Variants in XKR6 observed in about 807,000 individuals in gnomAD.
The protein encoded by XKR6 is XK related 6, also known as XK-related protein 6.
A neutral mutation model predicts 56.7 loss-of-function variants in XKR6; 22 were observed. The ratio of observed to expected loss-of-function variants is 0.39; its 90% CI spans 0.28 to 0.55. The LOEUF is 0.55. XKR6 is among the 20% of genes least tolerant of loss of function. The pLI is 0.66. For missense variants in XKR6, 852 were observed against 889.0 expected (o/e 0.96, Z 0.53); for synonymous variants, 524 against 387.8 (o/e 1.35, Z -4.13).
chr8:11,005,842 C>CTTTTT (rs56880407), intron 1 of XKR6, among the ~76,000 whole-genome samples: 233 of 121,264 alleles, frequency 1.9e-3, no homozygotes, highest in Middle Eastern at 5.2e-3. Context: ...TTCTTTCTTT[C>CTTTTT]TTTTTTTTTT....
Position 11,200,855 on chromosome 8 carries a change from A to G in XKR6, c.485T>C (p.Phe162Ser). 1 of 1,611,920 alleles carries G rather than the reference A, an allele frequency of 6.2e-7. No individual in the cohort carries two copies. Among genetic ancestry groups the G allele is most frequent in the Non-Finnish European group, 8.5e-7 (1 of 1,179,516 alleles). ...DYYRKGDYVY[F>S]GLTLFFVLVP... ...CAGCACGAAGAAGAGGGTCAGCCCGAAGTAGACGTAGTCCCCCTTGCGGTA... is the reference window on the plus strand; with the variant it reads ...CAGCACGAAGAAGAGGGTCAGCCCGGAGTAGACGTAGTCCCCCTTGCGGTA... The change falls in exon 1 of 3, where the codon TTC becomes TCC. Residue 162 changes from phenylalanine (F) to serine (S), a missense_variant. Coordinates refer to ENST00000416569, the MANE Select transcript of XKR6 (RefSeq NM_173683.4). The surrounding 1 kb of genome is among the most constrained non-coding windows in gnomAD (Gnocchi z 6.4).
chr8:11,099,816 A>C (rs1416196751), intron 1 of XKR6, among the ~76,000 whole-genome samples: 1 of 152,170 alleles, frequency 6.6e-6, no homozygotes, highest in Non-Finnish European at 1.5e-5. Context: ...GGTGATGAGG[A>C]AGTTAAGGGA....
At chr8:10,901,501 G>C (rs994562339) in intron 2 of XKR6, among the ~76,000 whole-genome samples, 3 of 152,094 alleles carry the variant, frequency 2.0e-5, no homozygotes, top group Admixed American at 6.5e-5. Flanking sequence ...TCTGGACCAG[G>C]CTATTCCCAG....
chr8:10,901,264 C>A (rs547573081), intron 2 of XKR6, among the ~76,000 whole-genome samples: 2 of 152,122 alleles, frequency 1.3e-5, no homozygotes, highest in African/African-American at 4.8e-5. Context: ...CCATGTTGGC[C>A]AGGCTGGTCT....
intron 1 of XKR6, among the ~76,000 whole-genome samples, chr8:10,988,119 G>A (rs892600876): frequency 1.3e-5 from 2 of 152,110 alleles, no homozygotes; most frequent in Non-Finnish European, 2.9e-5. Flanking sequence ...TCAACCACCT[G>A]CCAACTTCAT....
intron 1 of XKR6, among the ~76,000 whole-genome samples, chr8:11,025,244 T>C (rs1411572088): frequency 2.0e-5 from 3 of 152,248 alleles, no homozygotes; most frequent in Non-Finnish European, 4.4e-5. Flanking sequence ...CAGATTCATG[T>C]CTACTCGAAT....
intron 1 of XKR6, among the ~76,000 whole-genome samples, chr8:11,121,097 T>C (rs1469839125): frequency 1.3e-5 from 2 of 152,102 alleles, no homozygotes; most frequent in African/African-American, 4.8e-5. Context: ...GAAGAAAACC[T>C]AGGCAATACC....
At chr8:11,060,267 G>A (rs770577140) in intron 1 of XKR6, among the ~76,000 whole-genome samples, 1 of 152,124 alleles carries the variant, frequency 6.6e-6, no homozygotes, top group African/African-American at 2.4e-5. Flanking sequence ...CAGCTAGTGT[G>A]GGGAGGAGAC....
chr8:11,117,053 G>T (rs553300519), intron 1 of XKR6, among the ~76,000 whole-genome samples: 1 of 152,188 alleles, frequency 6.6e-6, no homozygotes, highest in Non-Finnish European at 1.5e-5. Flanking sequence ...ATTCTAGTGA[G>T]TTAGTTACAA....
chr8:11,104,093 C>T (rs1039196681), intron 1 of XKR6, among the ~76,000 whole-genome samples: 3 of 152,224 alleles, frequency 2.0e-5, no homozygotes, highest in African/African-American at 7.2e-5. Flanking sequence ...CCTCACTAAT[C>T]ATAGCCCAGG....
At chr8:11,076,569 A>C (rs1200847697) in intron 1 of XKR6, among the ~76,000 whole-genome samples, 4 of 152,124 alleles carry the variant, frequency 2.6e-5, no homozygotes, top group African/African-American at 7.2e-5. Context: ...AGCCTCCTTC[A>C]TCTCTCTAAA....
chr8:10,964,235 A>C (rs1802147887), intron 1 of XKR6, among the ~76,000 whole-genome samples: 2 of 152,126 alleles, frequency 1.3e-5, no homozygotes, highest in South Asian at 4.1e-4. Context: ...TTGTGGGAGA[A>C]ATGAATGGTT....
At chr8:10,927,588 G>C (rs939515971) in intron 1 of XKR6, among the ~76,000 whole-genome samples, 1 of 152,098 alleles carries the variant, frequency 6.6e-6, no homozygotes, top group African/African-American at 2.4e-5. Context: ...GTTCACCCAG[G>C]TTTGCCCTAC....
intron 1 of XKR6, among the ~76,000 whole-genome samples, chr8:11,171,831 C>T (rs1563192405): frequency 6.7e-6 from 1 of 149,640 alleles, no homozygotes; most frequent in Non-Finnish European, 1.5e-5. Flanking sequence ...GGTGGGCTGA[C>T]CATGTGAGGT....
intron 1 of XKR6, among the ~76,000 whole-genome samples, chr8:11,056,391 G>A (rs573664191): frequency 6.6e-6 from 1 of 152,280 alleles, no homozygotes; most frequent in African/African-American, 2.4e-5. Flanking sequence ...CCAGAACGCC[G>A]GCAGCGCACA....
intron 1 of XKR6, among the ~76,000 whole-genome samples, chr8:11,170,896 A>AACT (rs1223498580): frequency 6.6e-6 from 1 of 152,182 alleles, no homozygotes; most frequent in African/African-American, 2.4e-5. Flanking sequence ...TTTACAGAGG[A>AACT]ACTAGGTAAC....
chr8:10,989,469 A>G (rs1398884410), intron 1 of XKR6, among the ~76,000 whole-genome samples: 3 of 152,224 alleles, frequency 2.0e-5, no homozygotes, highest in Non-Finnish European at 2.9e-5. Flanking sequence ...TTAAAAAAGC[A>G]AATCCATTTC....
At chr8:11,008,738 C>A (rs1798431653) in intron 1 of XKR6, among the ~76,000 whole-genome samples, 1 of 152,076 alleles carries the variant, frequency 6.6e-6, no homozygotes, top group Non-Finnish European at 1.5e-5. Context: ...AAAGGGTTCA[C>A]CGGTGGACAC....
chr8:11,058,123 C>A (rs761011577), intron 1 of XKR6, among the ~76,000 whole-genome samples: 1 of 152,180 alleles, frequency 6.6e-6, no homozygotes, highest in Admixed American at 6.5e-5. Context: ...TTGTGTTCTG[C>A]CAGCACCCAG....
Sources: gnomAD v4.1 joint callset for allele counts (sites outside exome capture counted in the v4.1 genomes callset) on GRCh38, gnomAD v4.1.1 for gene constraint, Gnocchi (gnomAD v3.1) non-coding constraint, MANE v1.5 for transcripts, NCBI Gene and HGNC (gene_info 2026-07-23, HGNC 2026-07-21) for gene names.